The following KCNA2 variants were observed in gnomAD, a reference collection of about 807,000 sequenced individuals.
The protein encoded by KCNA2 is potassium channel, voltage gated shaker related subfamily A, member 2.
Under a neutral mutation model 33.4 loss-of-function variants are expected in KCNA2, and 11 were observed. The ratio of observed to expected loss-of-function variants is 0.33; its 90% CI spans 0.21 to 0.55. The LOEUF is 0.55. Among genes scored for constraint, KCNA2 ranks in the 20% least tolerant of loss-of-function variants. The probability of loss-of-function intolerance (pLI) is 0.93; values close to 1 mark genes in which losing one functional copy is unlikely to be tolerated. For synonymous variants in KCNA2, 222 were observed against 231.3 expected (o/e 0.96, Z 0.37); for missense variants, 291 against 621.6 (o/e 0.47, Z 5.66).
At chr1:110,613,468 A>G (rs1649949056) in intron 1 of KCNA2, among the ~76,000 whole-genome samples, 1 of 152,234 alleles carries the variant, frequency 6.6e-6, no homozygotes, top group African/African-American at 2.4e-5. Flanking sequence ...CACAGCCTCT[A>G]TGGTGCCCAC....
intron 1 of KCNA2, among the ~76,000 whole-genome samples, chr1:110,624,059 T>C (rs1388087104): frequency 6.6e-6 from 1 of 152,202 alleles, no homozygotes; most frequent in Non-Finnish European, 1.5e-5. Context: ...AAATGTAAAA[T>C]GGTGAATCTA....
At chr1:110,613,431 T>A (rs1649946717) in intron 1 of KCNA2, among the ~76,000 whole-genome samples, 1 of 152,362 alleles carries the variant, frequency 6.6e-6, no homozygotes, top group Admixed American at 6.5e-5. Context: ...CTGGCAGTGT[T>A]TGTGAACCAG....
At position 110,601,786 on chromosome 1, in the gene KCNA2, A is replaced by ATGTGTGTGTG. The variant is rs1553180975; in HGVS notation, c.*1496_*1497insCACACACACA. On this transcript the variant is annotated 3_prime_UTR_variant, in exon 3 of 3. Transcript: ENST00000316361. ...TGAACTCCAGAAAATGAATATATATATATATATATGTGTGTGTGTGTGTGT... is the reference window on the plus strand; with the variant it reads ...TGAACTCCAGAAAATGAATATATATATGTGTGTGTGTATATATATGTGTGTGTGTGTGTGT... 7 of 1,160,674 alleles carry ATGTGTGTGTG rather than the reference A, an allele frequency of 6.0e-6. No individual in the cohort carries two copies. The highest frequency in any genetic ancestry group is 5.2e-6 in the Non-Finnish European group (5 of 955,434). 71.9% of individuals were successfully genotyped at this position (1,160,674 alleles called of 1,614,324 possible).
upstream of KCNA2, among the ~76,000 whole-genome samples, chr1:110,609,721 G>A (rs977725376): frequency 2.0e-5 from 3 of 152,094 alleles, no homozygotes; most frequent in South Asian, 6.2e-4. Flanking sequence ...AACTAAAGAA[G>A]GGGGAAAAAA....
At chr1:110,611,981 A>G (rs973304760) in intron 1 of KCNA2, among the ~76,000 whole-genome samples, 3 of 152,150 alleles carry the variant, frequency 2.0e-5, no homozygotes, top group Non-Finnish European at 4.4e-5. Flanking sequence ...CTGAGATTGC[A>G]CCACTGCACG....
Position 110,597,763 on chromosome 1 carries a change from G to A in KCNA2, c.*5520C>T. 1 of 985,258 alleles carries A rather than the reference G, an allele frequency of 1.0e-6. No homozygotes were observed. Among genetic ancestry groups the A allele is most frequent in the Non-Finnish European group, 1.2e-6 (1 of 829,786 alleles). The allele number at this position is 985,258 out of a possible 1,614,324, so 61.0% of individuals were successfully genotyped here. A position where few individuals can be genotyped will look rare whatever the true frequency, so the allele number is the denominator to read the frequency against. ...CAGTCCTGAGAGCAAGATTTTGAAA[G>A]AGCTATTGCTAAAGAAAACAGTCAC... On this transcript the variant is annotated 3_prime_UTR_variant, in exon 3 of 3. Coordinates refer to ENST00000316361, the MANE Select transcript of KCNA2 (RefSeq NM_004974.4).
chr1:110,608,131 G>T (rs1445347323), upstream of KCNA2: 1 of 152,336 alleles, frequency 6.6e-6, no homozygotes, highest in Non-Finnish European at 1.5e-5. Context: ...AAGCCAGGTG[G>T]CCCACAGGGC....
Position 110,595,996 on chromosome 1 carries a change from C to T in KCNA2, c.*7287G>A. On this transcript the variant is annotated 3_prime_UTR_variant, in exon 3 of 3. Transcript: ENST00000316361. ...CTGATCCTCAGTGATGAGGTTATAG[C>T]CAACCAGGGCAGACAGAAGAAAGGC... is the stretch of plus-strand genomic sequence containing the variant. 2 of 985,398 alleles carry T rather than the reference C, an allele frequency of 2.0e-6. No individual in the cohort carries two copies. Among genetic ancestry groups the T allele is most frequent in the Non-Finnish European group, 2.4e-6 (2 of 829,922 alleles). The allele number at this position is 985,398 out of a possible 1,614,324, so 61.0% of individuals were successfully genotyped here. A position where few individuals can be genotyped will look rare whatever the true frequency, so the allele number is the denominator to read the frequency against.
intron 1 of KCNA2, among the ~76,000 whole-genome samples, chr1:110,616,685 T>C (rs1224225259): frequency 1.3e-5 from 2 of 152,156 alleles, no homozygotes; most frequent in Non-Finnish European, 2.9e-5. Context: ...ACAAGCTTGG[T>C]GAGGCTGAGT....
intron 1 of KCNA2, among the ~76,000 whole-genome samples, chr1:110,616,073 CA>C (rs904261633): frequency 3.9e-5 from 6 of 152,212 alleles, no homozygotes; most frequent in African/African-American, 1.4e-4. Flanking sequence ...TAGGGCTCTC[CA>C]GGGGTCTTTG....
rs2101370781 is a variant in KCNA2, at chr1:110,598,820, T to A, written c.*4463A>T. 2.0e-6 allele frequency: 2 copies of A among 985,344 alleles called. No homozygotes were observed. The highest frequency in any genetic ancestry group is 9.4e-5 in the South Asian group (2 of 21,290). 61.0% of individuals were successfully genotyped at this position (985,344 alleles called of 1,614,324 possible). A position where few individuals can be genotyped will look rare whatever the true frequency, so the allele number is the denominator to read the frequency against. ...GTTTCAGAAAGCACAGAGCCTTAATTATTTTCTTAATTAAATGTTGGCTCC... is the reference window on the plus strand; with the variant it reads ...GTTTCAGAAAGCACAGAGCCTTAATAATTTTCTTAATTAAATGTTGGCTCC... On this transcript the variant is annotated 3_prime_UTR_variant, in exon 3 of 3. Coordinates refer to ENST00000316361, the MANE Select transcript of KCNA2 (RefSeq NM_004974.4).
Position 110,601,949 on chromosome 1 carries a change from T to C in KCNA2, c.*1334A>G. On this transcript the variant is annotated 3_prime_UTR_variant, in exon 3 of 3. Transcript: ENST00000316361. ...GCTTGTACAATGTTCAAATGCAATT[T>C]CTTTTCTATCACTAGCTAGGTAGAG... The C allele has an allele frequency of 6.7e-7, 1 of 1,500,764 alleles. No individual in the cohort carries two copies. The allele number at this position is 1,500,764 out of a possible 1,614,324, so 93.0% of individuals were successfully genotyped here.
chr1:110,595,686 C>A lies in KCNA2; in HGVS notation c.*7597G>T. ...CTTGAGTGATGTGTACAGCTTACCC[C>A]CAAAGAGGCAACTGAATTTCAGCTG... is the stretch of plus-strand genomic sequence containing the variant. On this transcript the variant is annotated 3_prime_UTR_variant, in exon 3 of 3. Transcript: ENST00000316361. 1.0e-6 allele frequency: 1 copy of A among 985,412 alleles called. No individual in the cohort carries two copies. The highest frequency in any genetic ancestry group is 1.2e-6 in the Non-Finnish European group (1 of 829,934). 61.0% of individuals were successfully genotyped at this position (985,412 alleles called of 1,614,324 possible).
intron 1 of KCNA2, among the ~76,000 whole-genome samples, chr1:110,612,458 G>A (rs772520227): frequency 6.6e-6 from 1 of 152,144 alleles, no homozygotes; most frequent in Non-Finnish European, 1.5e-5. Context: ...CTTATCAACT[G>A]TCTTCTTCCT....
rs563821982 is a variant in KCNA2, at chr1:110,593,745, A to T, written c.*9538T>A. ...ATGATCAGGTGGACAGGCAATGTTC[A>T]TTGAGGCACATATGTACACATATAT... On this transcript the variant is annotated 3_prime_UTR_variant, in exon 3 of 3. Transcript: ENST00000316361. 2.3e-6 allele frequency: 2 copies of T among 885,232 alleles called. No homozygotes were observed. Among genetic ancestry groups the T allele is most frequent in the East Asian group, 3.0e-5 (1 of 33,742 alleles). The allele number at this position is 885,232 out of a possible 1,614,324, so 54.8% of individuals were successfully genotyped here.
At chr1:110,614,677 G>T (rs189708734) in intron 1 of KCNA2, among the ~76,000 whole-genome samples, 3 of 152,136 alleles carry the variant, frequency 2.0e-5, no homozygotes, top group Non-Finnish European at 1.5e-5. Flanking sequence ...TCTATGATTC[G>T]TTCTTCAACT....
In KCNA2 at chr1:110,600,485, A is replaced by G; in HGVS notation, c.*2798T>C. ...GTGCAGAGTGTGCATTTTATATACAATTATAACCATATATCTTCTGTGTTT... is the reference window on the plus strand; with the variant it reads ...GTGCAGAGTGTGCATTTTATATACAGTTATAACCATATATCTTCTGTGTTT... On this transcript the variant is annotated 3_prime_UTR_variant, in exon 3 of 3. Coordinates refer to ENST00000316361, the MANE Select transcript of KCNA2 (RefSeq NM_004974.4). 1.0e-6 allele frequency: 1 copy of G among 984,994 alleles called. No homozygotes were observed. Among genetic ancestry groups the G allele is most frequent in the Non-Finnish European group, 1.2e-6 (1 of 829,764 alleles). 61.0% of individuals were successfully genotyped at this position (984,994 alleles called of 1,614,324 possible).
At chr1:110,609,123 TC>T (rs1406504372), upstream of KCNA2, among the ~76,000 whole-genome samples, 3 of 152,064 alleles carry the variant, frequency 2.0e-5, no homozygotes, top group Non-Finnish European at 4.4e-5. Flanking sequence ...TCTGAAAGCC[TC>T]CCCTGACCAG....
Position 110,603,706 on chromosome 1 carries a change from G to A in KCNA2, c.1077C>T (p.Pro359=), listed in dbSNP as rs1649464684. Residue 359 remains proline (P), a synonymous_variant, in exon 3 of 3, where the codon CCC becomes CCT. Coordinates refer to ENST00000316361, the MANE Select transcript of KCNA2 (RefSeq NM_004974.4). This position sits in a 1 kb window ranked among gnomAD's most constrained non-coding sequence, Gnocchi z 5.7. ...AEADERESQF[P]SIPDAFWWAV... ...CCCACCAGAAGGCATCTGGGATGCT[G>A]GGGAACTGGGACTCTCGCTCATCGG... The A allele has an allele frequency of 5.6e-6, 9 of 1,613,900 alleles. No individual in the cohort carries two copies. The highest frequency in any genetic ancestry group is 1.7e-5 in the Admixed American group (1 of 59,998).
Sources: gnomAD v4.1 joint callset for allele counts (sites outside exome capture counted in the v4.1 genomes callset) on GRCh38, gnomAD v4.1.1 for gene constraint, Gnocchi (gnomAD v3.1) non-coding constraint, MANE v1.5 for transcripts, NCBI Gene and HGNC (gene_info 2026-07-23, HGNC 2026-07-21) for gene names.